Variants in SNX19 observed in about 807,000 individuals in gnomAD.
SNX19 encodes sorting nexin 19.
A neutral mutation model predicts 85.2 loss-of-function variants in SNX19; 60 were observed. The observed-to-expected ratio is 0.70, with a 90% CI of 0.57 to 0.87. The LOEUF (loss-of-function observed/expected upper bound fraction) is 0.87, where lower values mean the gene tolerates loss of function less well. Ranked by LOEUF, SNX19 falls within the 40% of genes least tolerant of loss-of-function variation. The pLI is 0.00. For synonymous variants in SNX19, 520 were observed against 470.0 expected (o/e 1.11, Z -1.38); for missense variants, 1,201 against 1,217.8 (o/e 0.99, Z 0.21).
chr11:130,915,923 ACT>A lies in SNX19; in HGVS notation c.15_16del (p.Val6AlafsTer16), dbSNP rs946022351. On this transcript the variant is annotated frameshift_variant, in exon 1 of 11. Coordinates refer to ENST00000265909, the MANE Select transcript of SNX19 (RefSeq NM_014758.3). LOFTEE classifies it high-confidence loss of function. ...AGCTGGAGTTTCCTGGAACGGTGGC[ACT>A]GTTTCTGTCTTCATGGCTGAACGGA... is the stretch of plus-strand genomic sequence containing the variant. 1.2e-6 allele frequency: 2 copies of A among 1,613,730 alleles called. No homozygotes were observed. The highest frequency in any genetic ancestry group is 1.3e-5 in the African/African-American group (1 of 74,920).
At position 130,915,604 on chromosome 11, in the gene SNX19, A is replaced by G. The variant is rs200955160; in HGVS notation, c.336T>C (p.Asp112=). 4.0e-5 allele frequency: 64 copies of G among 1,614,130 alleles called. No homozygotes were observed. The Admixed American group carries it at 1.0e-3, about 26-fold the overall frequency. ...INRTIQMIIR[D]FVLSWYRSVS... ...CGGAACGGTACCAAGATAACACAAA[A>G]TCTCGAATAATCATCTGGATGGTGC... Residue 112 remains aspartate, a synonymous_variant, in exon 1 of 11, where the codon GAT becomes GAC. Coordinates refer to ENST00000265909, the MANE Select transcript of SNX19 (RefSeq NM_014758.3).
intron 7 of SNX19, among the ~76,000 whole-genome samples, chr11:130,905,029 T>A (rs1945554025): frequency 6.6e-6 from 1 of 152,238 alleles, no homozygotes; most frequent in Non-Finnish European, 1.5e-5. Flanking sequence ...GAAAGAATAG[T>A]GAAATCAGCT....
chr11:130,884,549 C>T (rs1012650281), intron 8 of SNX19, among the ~76,000 whole-genome samples: 5 of 152,080 alleles, frequency 3.3e-5, no homozygotes, highest in Non-Finnish European at 7.4e-5. Context: ...CACACACACA[C>T]GTTTCTCTTA....
intron 8 of SNX19, among the ~76,000 whole-genome samples, chr11:130,889,515 G>C (rs67649878): frequency 1.2e-4 from 15 of 122,606 alleles, no homozygotes; most frequent in Non-Finnish European, 2.1e-4. Flanking sequence ...TGAATGAATC[G>C]ATCCTGTTGC....
Position 130,915,428 on chromosome 11 carries a change from T to C in SNX19, c.512A>G (p.Gln171Arg). 1 of 1,613,960 alleles carries C rather than the reference T, an allele frequency of 6.2e-7. No homozygotes were observed. The highest frequency in any genetic ancestry group is 1.1e-5 in the South Asian group (1 of 91,076). The change falls in exon 1 of 11, where the codon CAG becomes CGG. Residue 171 changes from glutamine (Q) to arginine (R), a missense_variant. Around this residue, in one of 3 missense-constraint regions of SNX19, gnomAD observed 791 missense variants for 750.9 expected, o/e 1.05. Coordinates refer to ENST00000265909, the MANE Select transcript of SNX19 (RefSeq NM_014758.3). ...CTTCCCTGCAGTGGCCTCCTTTGCCTGAATGTAGCTCTGCAGGTGACAACC... is the reference window on the plus strand; with the variant it reads ...CTTCCCTGCAGTGGCCTCCTTTGCCCGAATGTAGCTCTGCAGGTGACAACC... ...LCGCHLQSYI[Q>R]AKEATAGKNG...
rs1158685026 is a variant in SNX19 at position 130,891,536 on chromosome 11, G to C, written c.2574-10730C>G. ...TTGAAAGTCAAACAAAAAGCAAAGG[G>C]GGGTTATGAGGACTATGAGTCACAC... is the stretch of plus-strand genomic sequence containing the variant. On this transcript the variant is annotated intron_variant, in intron 8 of 10. Coordinates refer to ENST00000265909, the MANE Select transcript of SNX19 (RefSeq NM_014758.3). 4.6e-5 allele frequency among the ~76,000 whole-genome samples: 7 copies of C among 152,296 alleles called. No homozygotes were observed. In the South Asian group the frequency reaches 1.4e-3, roughly 32 times the overall value.
In SNX19 at chr11:130,869,498, G is replaced by A. The variant is rs1173259673; in HGVS notation, c.*8924C>T. ...ATTTGGGGAGAGGAAGCTTTATTGGGATCTCTAGGGGCTATTTTATATTTT... is the reference window on the plus strand; with the variant it reads ...ATTTGGGGAGAGGAAGCTTTATTGGAATCTCTAGGGGCTATTTTATATTTT... On this transcript the variant is annotated 3_prime_UTR_variant, in exon 11 of 11. Transcript: ENST00000265909. 1.3e-5 allele frequency: 2 copies of A among 152,148 alleles called. No homozygotes were observed. Among genetic ancestry groups the A allele is most frequent in the South Asian group, 2.1e-4 (1 of 4,828 alleles). 9.4% of individuals were successfully genotyped at this position (152,148 alleles called of 1,614,324 possible).
In SNX19 at chr11:130,883,491, A is replaced by C. The variant is rs534312994; in HGVS notation, c.2574-2685T>G. 2.0e-5 allele frequency among the ~76,000 whole-genome samples: 3 copies of C among 152,346 alleles called. No individual in the cohort carries two copies. The East Asian group carries it at 5.8e-4, about 29-fold the overall frequency. On this transcript the variant is annotated intron_variant, in intron 8 of 10. Transcript: ENST00000265909. ...AGAAATAAACTCCCTCCAGGCCTAC[A>C]AAGAGGGACAGAGTTTGGAAAGTGA...
Position 130,914,893 on chromosome 11 carries a change from T to C in SNX19, c.1047A>G (p.Val349=), listed in dbSNP as rs1946427414. 1 of 1,614,096 alleles carries C rather than the reference T, an allele frequency of 6.2e-7. No individual in the cohort carries two copies. The highest frequency in any genetic ancestry group is 1.7e-5 in the Admixed American group (1 of 60,014). The change falls in exon 1 of 11, where the codon GTA becomes GTG. Residue 349 remains valine (V), a synonymous_variant. Transcript: ENST00000265909. ...DLGGMCEERK[V]GNNSSHFLQP... is the part of the protein sequence containing the mutation. ...GTAGGAAATGAGATGAGTTGTTTCCTACTTTTCTTTCTTCACACATCCCAC... is the reference window on the plus strand; with the variant it reads ...GTAGGAAATGAGATGAGTTGTTTCCCACTTTTCTTTCTTCACACATCCCAC...
At chr11:130,903,532 G>T in intron 7 of SNX19, 148 bp from the exon 8 acceptor site, 2 of 721,686 alleles carry the variant, frequency 2.8e-6, no homozygotes, top group Non-Finnish European at 4.1e-6. Context: ...ATCAAAAGAG[G>T]TTTAACTCAT....
intron 8 of SNX19, among the ~76,000 whole-genome samples, chr11:130,881,607 C>T (rs1414418360): frequency 6.6e-6 from 1 of 152,228 alleles, no homozygotes; most frequent in Non-Finnish European, 1.5e-5. Context: ...ATCTTCTGGT[C>T]CTCATGACTG....
At chr11:130,911,891 A>G in intron 1 of SNX19, 120 bp from the exon 2 acceptor site, 1 of 950,822 alleles carries the variant, frequency 1.1e-6, no homozygotes, top group Non-Finnish European at 1.6e-6. Flanking sequence ...GAACAAAGGG[A>G]GGGAGTATGT....
chr11:130,908,479 G>C (rs1226979850), intron 4 of SNX19: 1 of 163,420 alleles, frequency 6.1e-6, no homozygotes, highest in East Asian at 1.7e-4. Flanking sequence ...GAAGTACATA[G>C]GTAGGAGTAT....
chr11:130,870,719 T>C lies in SNX19; in HGVS notation c.*7703A>G, dbSNP rs1300072362. The stretch of plus-strand genomic sequence containing the variant: ...CAAAATGAAAGTAACAGTATCAAGA[T>C]CCAGACTTATTCACAAATTTTGCCT... On this transcript the variant is annotated 3_prime_UTR_variant, in exon 11 of 11. Coordinates refer to ENST00000265909, the MANE Select transcript of SNX19 (RefSeq NM_014758.3). Among the ~76,000 whole-genome samples, 2 of 152,116 alleles carry C rather than the reference T, an allele frequency of 1.3e-5. No individual in the cohort carries two copies. The highest frequency in any genetic ancestry group is 2.4e-5 in the African/African-American group (1 of 41,408).
chr11:130,881,125 C>A, intron 8 of SNX19: 1 of 220,956 alleles, frequency 4.5e-6, no homozygotes, highest in Non-Finnish European at 8.8e-6. Context: ...TTGAACCTCC[C>A]GGCCTTTAGA....
At chr11:130,888,733 A>G (rs532570685) in intron 8 of SNX19, among the ~76,000 whole-genome samples, 3 of 152,332 alleles carry the variant, frequency 2.0e-5, no homozygotes, top group African/African-American at 7.2e-5. Flanking sequence ...ACAAATGGCA[A>G]TGTTTCTTAA....
chr11:130,915,382 G>C lies in SNX19; in HGVS notation c.558C>G (p.Ser186=). 2 of 1,614,088 alleles carry C rather than the reference G, an allele frequency of 1.2e-6. No individual in the cohort carries two copies. Among genetic ancestry groups the C allele is most frequent in the Non-Finnish European group, 1.7e-6 (2 of 1,180,036 alleles). The part of the protein sequence containing the change: ...TAGKNGPVEP[S]HLWEAYCRAT... ...CCCGGCAGTAAGCCTCCCAGAGGTG[G>C]GAAGGCTCAACTGGACCATTCTTCC... The change falls in exon 1 of 11, where the codon TCC becomes TCG. Residue 186 remains serine, a synonymous_variant. Coordinates refer to ENST00000265909, the MANE Select transcript of SNX19 (RefSeq NM_014758.3).
chr11:130,909,948 C>A, intron 4 of SNX19, 70 bp downstream of exon 4: 2 of 1,594,142 alleles, frequency 1.3e-6, no homozygotes, highest in Non-Finnish European at 1.7e-6. Flanking sequence ...TCAAGGACTG[C>A]CTCCATTCTG....
Position 130,878,332 on chromosome 11 carries a change from C to A in SNX19, c.*90G>T. 1 of 1,432,838 alleles carries A rather than the reference C, an allele frequency of 7.0e-7. No individual in the cohort carries two copies. The highest frequency in any genetic ancestry group is 1.5e-5 in the South Asian group (1 of 64,844). 88.8% of individuals were successfully genotyped at this position (1,432,838 alleles called of 1,614,324 possible). On this transcript the variant is annotated 3_prime_UTR_variant, in exon 11 of 11. Coordinates refer to ENST00000265909, the MANE Select transcript of SNX19 (RefSeq NM_014758.3). ...GAACCTAGGCCTTCTTAGCTGTAGCCTACTTGAAGAGGGCACGGGCTTCCT... is the reference window on the plus strand; with the variant it reads ...GAACCTAGGCCTTCTTAGCTGTAGCATACTTGAAGAGGGCACGGGCTTCCT...
Sources: gnomAD v4.1 joint callset for allele counts (sites outside exome capture counted in the v4.1 genomes callset) on GRCh38, gnomAD v4.1.1 for gene constraint, gnomAD v4.1.1 regional missense constraint, MANE v1.5 for transcripts, NCBI Gene and HGNC (gene_info 2026-07-23, HGNC 2026-07-21) for gene names.